The following DAB1 variants were observed in gnomAD, a reference collection of about 807,000 sequenced individuals.
The protein encoded by DAB1 is DAB adaptor protein 1.
A neutral mutation model predicts 64.6 loss-of-function variants in DAB1; 15 were observed. The observed-to-expected ratio is 0.23, with a 90% confidence interval of 0.16 to 0.36. The LOEUF (loss-of-function observed/expected upper bound fraction) is 0.36. Ranked by LOEUF, DAB1 falls within the 10% of genes least tolerant of loss-of-function variation. The pLI, the probability that DAB1 is intolerant of heterozygous loss-of-function variation, is 1.00. For synonymous variants in DAB1, 235 were observed against 251.9 expected (o/e 0.93, Z 0.64); for missense variants, 596 against 706.7 (o/e 0.84, Z 1.78).
intron 7 of DAB1, among the ~76,000 whole-genome samples, chr1:57,555,730 C>T (rs1038976761): frequency 6.6e-6 from 1 of 152,164 alleles, no homozygotes; most frequent in Non-Finnish European, 1.5e-5. Flanking sequence ...ATAGAACCTA[C>T]AACTTGAATG....
At chr1:57,557,234 A>T (rs1357495564) in intron 7 of DAB1, among the ~76,000 whole-genome samples, 1 of 152,018 alleles carries the variant, frequency 6.6e-6, no homozygotes, top group East Asian at 1.9e-4. Flanking sequence ...GAAAAGAGAG[A>T]CTGGCCTGGC....
At chr1:58,149,576 C>T (rs1221346236) in intron 5 of DAB1, among the ~76,000 whole-genome samples, 6 of 152,122 alleles carry the variant, frequency 3.9e-5, no homozygotes, top group African/African-American at 1.4e-4. Context: ...CATACTCAGG[C>T]CCTGAACCAT....
At chr1:58,122,094 C>T (rs1345805737) in intron 5 of DAB1, among the ~76,000 whole-genome samples, 2 of 152,126 alleles carry the variant, frequency 1.3e-5, no homozygotes, top group Admixed American at 6.6e-5. Flanking sequence ...GGCCTGGGAT[C>T]CTTTCACTTG....
chr1:57,851,393 A>C (rs1258294259), intron 1 of DAB1, among the ~76,000 whole-genome samples: 1 of 152,202 alleles, frequency 6.6e-6, no homozygotes, highest in African/African-American at 2.4e-5. Flanking sequence ...AAGGACACAA[A>C]CCAGCAGTGA....
intron 7 of DAB1, among the ~76,000 whole-genome samples, chr1:57,463,498 T>C (rs1433898064): frequency 1.3e-5 from 2 of 152,286 alleles, no homozygotes; most frequent in African/African-American, 2.4e-5. Flanking sequence ...GCTCAAAATA[T>C]ATTCCCTAAG....
chr1:58,193,955 C>G (rs1450767978), intron 4 of DAB1, among the ~76,000 whole-genome samples: 1 of 151,964 alleles, frequency 6.6e-6, no homozygotes, highest in Non-Finnish European at 1.5e-5. Flanking sequence ...ACACAAGAAC[C>G]AAATTCAAAG....
intron 1 of DAB1, among the ~76,000 whole-genome samples, chr1:58,543,405 A>C (rs531899173): frequency 6.6e-6 from 1 of 152,338 alleles, no homozygotes; most frequent in Non-Finnish European, 1.5e-5. Flanking sequence ...CAACTTTAGC[A>C]TCCAAAATAT....
intron 4 of DAB1, among the ~76,000 whole-genome samples, chr1:58,196,333 T>G (rs1657674999): frequency 6.6e-6 from 1 of 152,112 alleles, no homozygotes. Context: ...CAGGGCAAGA[T>G]CAAGAAGGCT....
intron 2 of DAB1, among the ~76,000 whole-genome samples, chr1:57,284,829 CT>C (rs1046504964): frequency 6.6e-6 from 1 of 152,128 alleles, no homozygotes; most frequent in Non-Finnish European, 1.5e-5. Context: ...TGTGACATTA[CT>C]GAAACCATTC....
chr1:58,248,763 A>G (rs1296310614), intron 4 of DAB1, among the ~76,000 whole-genome samples: 1 of 152,138 alleles, frequency 6.6e-6, no homozygotes, highest in Non-Finnish European at 1.5e-5. Context: ...GTGTTGTAAT[A>G]CTGCAGTGAC....
chr1:58,222,682 G>A, intron 4 of DAB1, among the ~76,000 whole-genome samples: 1 of 152,230 alleles, frequency 6.6e-6, no homozygotes, highest in East Asian at 1.9e-4. Context: ...GCCTAATGCA[G>A]AGTCTAATGC....
At chr1:57,009,675 T>C (rs1557530532) in intron 14 of DAB1, among the ~76,000 whole-genome samples, 1 of 152,206 alleles carries the variant, frequency 6.6e-6, no homozygotes, top group Non-Finnish European at 1.5e-5. Context: ...CTTGCAGTCC[T>C]GTGTGTTTAT....
chr1:58,537,062 TTCTCTC>T (rs150887072), intron 1 of DAB1, among the ~76,000 whole-genome samples: 26 of 145,824 alleles, frequency 1.8e-4, no homozygotes, highest in Non-Finnish European at 2.9e-4. Context: ...ACATGCAAAA[TTCTCTC>T]TCTCTCTCTC....
intron 5 of DAB1, among the ~76,000 whole-genome samples, chr1:57,948,606 T>C (rs367970893): frequency 1.1e-4 from 16 of 152,334 alleles, no homozygotes; most frequent in Middle Eastern, 3.4e-3. Flanking sequence ...ACCTAGACTA[T>C]GTCAGTTAAT....
intron 6 of DAB1, among the ~76,000 whole-genome samples, chr1:57,805,071 T>C (rs1359071458): frequency 6.6e-6 from 1 of 152,210 alleles, no homozygotes; most frequent in African/African-American, 2.4e-5. Context: ...TAGTACATGA[T>C]GATCCCTAAG....
chr1:57,429,984 C>G (rs937859963), intron 7 of DAB1, among the ~76,000 whole-genome samples: 25 of 152,060 alleles, frequency 1.6e-4, no homozygotes, highest in African/African-American at 5.1e-4. Flanking sequence ...TTTTGTGGTT[C>G]CATATACATT....
Position 57,722,150 on chromosome 1 carries a change from G to A in DAB1, n.552-72485C>T, listed in dbSNP as rs1177482279. ...AAAGAATAGGCACAACATCCAGAAAGCAGGGAGCAATTCACACTTTATGTA... is the reference window on the plus strand; with the variant it reads ...AAAGAATAGGCACAACATCCAGAAAACAGGGAGCAATTCACACTTTATGTA... On this transcript the variant is annotated intron_variant and non_coding_transcript_variant, in intron 6 of 20. Coordinates refer to the DAB1 transcript ENST00000485760. Among the ~76,000 whole-genome samples, 4 of 152,122 alleles carry A rather than the reference G, an allele frequency of 2.6e-5. No individual in the cohort carries two copies. In the East Asian group the frequency reaches 7.7e-4, roughly 29 times the overall value.
chr1:57,455,196 T>C (rs1686540286), intron 7 of DAB1, among the ~76,000 whole-genome samples: 2 of 152,172 alleles, frequency 1.3e-5, no homozygotes, highest in African/African-American at 2.4e-5. Flanking sequence ...GCTTGGCATA[T>C]AAACAGTTCC....
chr1:57,801,928 G>C (rs1464733802), intron 6 of DAB1, among the ~76,000 whole-genome samples: 1 of 152,180 alleles, frequency 6.6e-6, no homozygotes. Context: ...AAAGTGCTGG[G>C]ATTATATGTG....
Sources: gnomAD v4.1 joint callset for allele counts (sites outside exome capture counted in the v4.1 genomes callset) on GRCh38, gnomAD v4.1.1 for gene constraint, MANE v1.5 for transcripts, NCBI Gene and HGNC (gene_info 2026-07-23, HGNC 2026-07-21) for gene names.